The following SERTAD2 variants were observed in gnomAD, a reference collection of about 807,000 sequenced individuals.
SERTAD2 encodes the protein SERTA domain-containing protein 2.
A neutral mutation model predicts 15.4 loss-of-function variants in SERTAD2; 2 were observed. The observed-to-expected ratio is 0.13, with a 90% confidence interval of 0.05 to 0.41. SERTAD2 has a LOEUF of 0.41. Among genes scored for constraint, SERTAD2 ranks in the 10% least tolerant of loss-of-function variants. The pLI, the probability that SERTAD2 is intolerant of heterozygous loss-of-function variation, is 0.99. For synonymous variants in SERTAD2, 180 were observed against 178.0 expected (o/e 1.01, Z -0.09); for missense variants, 333 against 409.7 (o/e 0.81, Z 1.62).
chr2:64,636,757 T>C lies in SERTAD2; in HGVS notation c.115A>G (p.Thr39Ala). 1 of 1,614,136 alleles carries C rather than the reference T, an allele frequency of 6.2e-7. No homozygotes were observed. The highest frequency in any genetic ancestry group is 1.3e-5 in the African/African-American group (1 of 75,016). The change falls in exon 2 of 2, where the codon ACT (threonine) becomes GCT (alanine). Residue 39 changes from threonine to alanine, a missense_variant. Thr to Ala is a moderately conservative substitution (Grantham distance 58). This residue lies in a region of SERTAD2 where 332 missense variants were observed against 392.9 expected (regional missense o/e 0.84). Transcript: ENST00000313349. ...SKVSYTLQRQ[T>A]IFNISLMKLY... ...TTCATAAGGGAAATGTTGAAGATAG[T>C]CTGGCGCTGTAAGGTGTAAGACACC...
intron 1 of SERTAD2, among the ~76,000 whole-genome samples, chr2:64,645,283 C>G (rs557998850): frequency 1.3e-5 from 2 of 152,278 alleles, no homozygotes; most frequent in East Asian, 3.9e-4. Context: ...GCGCGGGGGC[C>G]CGCAGGGCAA....
In SERTAD2 at chr2:64,636,614, G is replaced by A. The variant is rs1261100399; in HGVS notation, c.258C>T (p.Phe86=). The A allele has an allele frequency of 6.2e-7, 1 of 1,611,544 alleles. No homozygotes were observed. The highest frequency in any genetic ancestry group is 1.3e-5 in the African/African-American group (1 of 74,826). The stretch of plus-strand genomic sequence containing the variant: ...CGGTGGTGGGCTGGGAGGAGGGGGT[G>A]AACATGGGCCTCAGGCTGCCTTCCT... ...LKQEGSLRPM[F]TPSSQPTTEP... Residue 86 remains phenylalanine (F), a synonymous_variant, in exon 2 of 2, where the codon TTC becomes TTT. Transcript: ENST00000313349.
intron 1 of SERTAD2, among the ~76,000 whole-genome samples, chr2:64,638,488 T>C (rs1211921817): frequency 6.6e-6 from 1 of 152,242 alleles, no homozygotes; most frequent in Admixed American, 6.5e-5. Context: ...AAGCAGGCCA[T>C]GCTGCCCTCA....
At chr2:64,640,421 C>G (rs945775093) in intron 1 of SERTAD2, among the ~76,000 whole-genome samples, 3 of 152,230 alleles carry the variant, frequency 2.0e-5, no homozygotes, top group African/African-American at 7.2e-5. Context: ...CTTTCTGGGC[C>G]TGGCTCAGGC....
chr2:64,646,855 G>A (rs1053609525), intron 1 of SERTAD2, among the ~76,000 whole-genome samples: 1 of 152,234 alleles, frequency 6.6e-6, no homozygotes, highest in Non-Finnish European at 1.5e-5. Flanking sequence ...AGATGTGAAC[G>A]TGGAGAAACC....
In SERTAD2 at chr2:64,634,525, T is replaced by G. The variant is rs1674611176; in HGVS notation, c.*1402A>C. ...TGACGTAATGTGATGAACTCCAGGT[T>G]CAAGAGTCACACATGTTGTAAGAGT... On this transcript the variant is annotated 3_prime_UTR_variant, in exon 2 of 2. Transcript: ENST00000313349. The G allele has an allele frequency of 6.6e-6, 1 of 152,144 alleles. No individual in the cohort carries two copies. Among genetic ancestry groups the G allele is most frequent in the African/African-American group, 2.4e-5 (1 of 41,426 alleles). 9.4% of individuals were successfully genotyped at this position (152,144 alleles called of 1,614,324 possible). A position where few individuals can be genotyped will look rare whatever the true frequency, so the allele number is the denominator to read the frequency against.
rs1674576384 is a variant in SERTAD2 at position 64,633,248 on chromosome 2, G to C, written c.*2679C>G. ...TTTCTTGTTAGACTTTGAGTATCAG[G>C]GATTTATGGCAACGGTGTCAGAGTT... On this transcript the variant is annotated 3_prime_UTR_variant, in exon 2 of 2. Coordinates refer to ENST00000313349, the MANE Select transcript of SERTAD2 (RefSeq NM_014755.3). 1 of 152,176 alleles carries C rather than the reference G, an allele frequency of 6.6e-6. No homozygotes were observed. The highest frequency in any genetic ancestry group is 1.5e-5 in the Non-Finnish European group (1 of 68,042). The allele number at this position is 152,176 out of a possible 1,614,324, so 9.4% of individuals were successfully genotyped here. A position where few individuals can be genotyped will look rare whatever the true frequency, so the allele number is the denominator to read the frequency against.
Position 64,631,939 on chromosome 2 carries a change from C to A in SERTAD2, c.*3988G>T, listed in dbSNP as rs1235593768. 6.6e-6 allele frequency: 1 copy of A among 152,582 alleles called. No individual in the cohort carries two copies. Among genetic ancestry groups the A allele is most frequent in the South Asian group, 2.1e-4 (1 of 4,832 alleles). The allele number at this position is 152,582 out of a possible 1,614,324, so 9.5% of individuals were successfully genotyped here. A position where few individuals can be genotyped will look rare whatever the true frequency, so the allele number is the denominator to read the frequency against. On this transcript the variant is annotated 3_prime_UTR_variant, in exon 2 of 2. Coordinates refer to ENST00000313349, the MANE Select transcript of SERTAD2 (RefSeq NM_014755.3). ...GCATTTCTCTTCCAAAACTTGTTAT[C>A]CCCAAAAGAAGTCCAACTTTTTATT... is the stretch of plus-strand genomic sequence containing the variant.
At chr2:64,652,980 A>G (rs1414499321) in intron 1 of SERTAD2, among the ~76,000 whole-genome samples, 4 of 152,172 alleles carry the variant, frequency 2.6e-5, no homozygotes, top group Admixed American at 6.5e-5. Flanking sequence ...CCTCCCTTTC[A>G]GTCATAGGCG....
rs1304719514 is a variant in SERTAD2 at position 64,636,311 on chromosome 2, C to T, written c.561G>A (p.Glu187=). 1 of 1,614,208 alleles carries T rather than the reference C, an allele frequency of 6.2e-7. No homozygotes were observed. Among genetic ancestry groups the T allele is most frequent in the South Asian group, 1.1e-5 (1 of 91,082 alleles). ...EELCPTSTST[E]AATAATDSVK... ...CACTGTCAGTCGCAGCCGTGGCCGCCTCTGTGGAGGTAGATGTGGGACAGA... is the reference window on the plus strand; with the variant it reads ...CACTGTCAGTCGCAGCCGTGGCCGCTTCTGTGGAGGTAGATGTGGGACAGA... Residue 187 remains glutamate, a synonymous_variant, in exon 2 of 2, where the codon GAG becomes GAA. Transcript: ENST00000313349.
chr2:64,644,338 C>A (rs1674849959), intron 1 of SERTAD2, among the ~76,000 whole-genome samples: 1 of 152,240 alleles, frequency 6.6e-6, no homozygotes, highest in Non-Finnish European at 1.5e-5. Context: ...TATGCTGTTT[C>A]TCTTCTCTTC....
At chr2:64,637,172 T>C (rs1282220402) in intron 1 of SERTAD2, among the ~76,000 whole-genome samples, 1 of 152,194 alleles carries the variant, frequency 6.6e-6, no homozygotes, top group Non-Finnish European at 1.5e-5. Flanking sequence ...ATGGAAACCA[T>C]GATTTTGACT....
In SERTAD2 at chr2:64,633,155, A is replaced by G. The variant is rs372899141; in HGVS notation, c.*2772T>C. 6 of 152,342 alleles carry G rather than the reference A, an allele frequency of 3.9e-5. No homozygotes were observed. The highest frequency in any genetic ancestry group is 1.4e-4 in the African/African-American group (6 of 41,580). 9.4% of individuals were successfully genotyped at this position (152,342 alleles called of 1,614,324 possible). On this transcript the variant is annotated 3_prime_UTR_variant, in exon 2 of 2. Transcript: ENST00000313349. ...TGGGACATCACTTTGTAAGAATAGG[A>G]TGCAAAAGCAATTAGAACCCTAGAT...
chr2:64,637,281 T>A (rs1674681346), intron 1 of SERTAD2, among the ~76,000 whole-genome samples: 1 of 152,194 alleles, frequency 6.6e-6, no homozygotes, highest in Non-Finnish European at 1.5e-5. Context: ...AAGAAAACAC[T>A]TACAATGCTA....
intron 1 of SERTAD2, among the ~76,000 whole-genome samples, chr2:64,640,965 C>T (rs149393407): frequency 6.6e-6 from 1 of 152,164 alleles, no homozygotes; most frequent in African/African-American, 2.4e-5. Context: ...CAAATGACCT[C>T]CCTCCCCAAT....
intron 1 of SERTAD2, among the ~76,000 whole-genome samples, chr2:64,651,825 T>C (rs751493602): frequency 5.3e-5 from 8 of 152,204 alleles, no homozygotes; most frequent in Non-Finnish European, 1.0e-4. Flanking sequence ...ATACACTTGG[T>C]TGGCTTTACA....
At chr2:64,650,686 C>G (rs774695432) in intron 1 of SERTAD2, among the ~76,000 whole-genome samples, 4 of 152,160 alleles carry the variant, frequency 2.6e-5, no homozygotes, top group African/African-American at 9.6e-5. Context: ...ATTTCTTAAA[C>G]AGGAGTCCTG....
chr2:64,644,416 T>A (rs1218093522), intron 1 of SERTAD2, among the ~76,000 whole-genome samples: 1 of 152,234 alleles, frequency 6.6e-6, no homozygotes, highest in Non-Finnish European at 1.5e-5. Flanking sequence ...GGAGAGCCTC[T>A]GTTCATGACA....
At position 64,633,137 on chromosome 2, in the gene SERTAD2, T is replaced by C. The variant is rs758499430; in HGVS notation, c.*2790A>G. 1 of 152,280 alleles carries C rather than the reference T, an allele frequency of 6.6e-6. No individual in the cohort carries two copies. Among genetic ancestry groups the C allele is most frequent in the Non-Finnish European group, 1.5e-5 (1 of 68,036 alleles). 9.4% of individuals were successfully genotyped at this position (152,280 alleles called of 1,614,324 possible). ...GCTCCTACTGTTCCCTGTTGGGACA[T>C]CACTTTGTAAGAATAGGATGCAAAA... is the stretch of plus-strand genomic sequence containing the variant. On this transcript the variant is annotated 3_prime_UTR_variant, in exon 2 of 2. Coordinates refer to ENST00000313349, the MANE Select transcript of SERTAD2 (RefSeq NM_014755.3).
Sources: gnomAD v4.1 joint callset for allele counts (sites outside exome capture counted in the v4.1 genomes callset) on GRCh38, gnomAD v4.1.1 for gene constraint, gnomAD v4.1.1 regional missense constraint, MANE v1.5 for transcripts, NCBI Gene and HGNC (gene_info 2026-07-23, HGNC 2026-07-21) for gene names.